Variants in HHAT observed in about 807,000 individuals in gnomAD.
The protein encoded by HHAT is protein-cysteine N-palmitoyltransferase HHAT.
A neutral mutation model predicts 70.8 loss-of-function variants in HHAT; 47 were observed. The observed-to-expected ratio is 0.66, with a 90% CI of 0.53 to 0.85. The LOEUF (loss-of-function observed/expected upper bound fraction) is 0.85. HHAT is among the 40% of genes least tolerant of loss of function. The probability of loss-of-function intolerance (pLI) is 0.00; values close to 1 mark genes in which losing one functional copy is unlikely to be tolerated. For synonymous variants in HHAT, 228 were observed against 247.6 expected (o/e 0.92, Z 0.74); for missense variants, 609 against 604.8 (o/e 1.01, Z -0.07).
At chr1:210,669,407 A>G (rs1238914423) in intron 11 of HHAT, among the ~76,000 whole-genome samples, 1 of 152,172 alleles carries the variant, frequency 6.6e-6, no homozygotes, top group East Asian at 1.9e-4. Flanking sequence ...TATACAGCTC[A>G]CTGATATCCT....
chr1:210,464,913 T>A (rs2094067742), intron 8 of HHAT, among the ~76,000 whole-genome samples: 1 of 152,174 alleles, frequency 6.6e-6, no homozygotes, highest in Non-Finnish European at 1.5e-5. Context: ...AAGGGTTATG[T>A]TTGAAGTGGT....
intron 9 of HHAT, among the ~76,000 whole-genome samples, chr1:210,552,918 C>G (rs989009965): frequency 6.6e-6 from 1 of 152,204 alleles, no homozygotes; most frequent in Non-Finnish European, 1.5e-5. Context: ...GTAGCTGTCT[C>G]TCTCTTTGCT....
rs150775686 is a variant in HHAT at position 210,338,233 on chromosome 1, G to A, written c.-44+9129G>A. 9.2e-3 allele frequency among the ~76,000 whole-genome samples: 1,401 copies of A among 152,066 alleles called. 19 individuals are homozygous for A. The highest frequency in any genetic ancestry group is 0.032 in the African/African-American group (1,318 of 41,464). On this transcript the variant is annotated intron_variant, in intron 1 of 11. Transcript: ENST00000261458. ...CTCTTGTCTATAGTCCCAGCTACTC[G>A]GGAGGCTGAGATGGAAGGATTGCTT...
At chr1:210,454,329 A>G (rs1250201580) in intron 7 of HHAT, among the ~76,000 whole-genome samples, 1 of 152,190 alleles carries the variant, frequency 6.6e-6, no homozygotes, top group Non-Finnish European at 1.5e-5. Context: ...CGAGGTGGGC[A>G]GATCACAAGG....
intron 7 of HHAT, among the ~76,000 whole-genome samples, 184 bp from the exon 8 acceptor site, chr1:210,464,321 T>G (rs1470791529): frequency 1.3e-5 from 2 of 152,188 alleles, no homozygotes; most frequent in Non-Finnish European, 2.9e-5. Context: ...TTTCATTGTT[T>G]GTTAACCAAA....
chr1:210,433,646 C>T (rs894985178), intron 7 of HHAT, among the ~76,000 whole-genome samples: 1 of 151,888 alleles, frequency 6.6e-6, no homozygotes, highest in Non-Finnish European at 1.5e-5. Flanking sequence ...TTGGGAGCTC[C>T]ATGGCAACAG....
intron 7 of HHAT, among the ~76,000 whole-genome samples, chr1:210,430,678 TTTTTCTC>T (rs2093216918): frequency 1.3e-5 from 2 of 151,860 alleles, no homozygotes; most frequent in Non-Finnish European, 2.9e-5. Flanking sequence ...TTTCAGTTCT[TTTTTCTC>T]TTAGGGTGGA....
intron 9 of HHAT, among the ~76,000 whole-genome samples, chr1:210,579,698 ATCT>A (rs1658758682): frequency 6.6e-6 from 1 of 152,196 alleles, no homozygotes. Flanking sequence ...CCAAGGTCAC[ATCT>A]TCTAGCTCTC....
At chr1:210,432,083 A>T (rs1278511201) in intron 7 of HHAT, among the ~76,000 whole-genome samples, 1 of 151,768 alleles carries the variant, frequency 6.6e-6, no homozygotes, top group African/African-American at 2.4e-5. Flanking sequence ...CTGAAAAGTG[A>T]GCATCCATGG....
At chr1:210,550,924 T>TC (rs34346562) in intron 9 of HHAT, among the ~76,000 whole-genome samples, 72,041 of 147,766 alleles carry the variant, frequency 0.49, 19,825 homozygotes, top group Admixed American at 0.53. Flanking sequence ...CACCTTGGCC[T>TC]CCCAAAGCTC....
At chr1:210,527,209 T>C (rs1418702667) in intron 9 of HHAT, among the ~76,000 whole-genome samples, 1 of 152,114 alleles carries the variant, frequency 6.6e-6, no homozygotes, top group Non-Finnish European at 1.5e-5. Flanking sequence ...TGCATGTGTC[T>C]AGGCTGGCTC....
chr1:210,517,270 CATTTTTCTTTT>C (rs1445022116), intron 9 of HHAT, among the ~76,000 whole-genome samples: 2 of 152,186 alleles, frequency 1.3e-5, no homozygotes, highest in South Asian at 2.1e-4. Context: ...CTGACTGAGG[CATTTTTCTTTT>C]ATTTTTCTTT....
chr1:210,538,288 AAAT>A (rs1370796812), intron 9 of HHAT, among the ~76,000 whole-genome samples: 3 of 152,158 alleles, frequency 2.0e-5, no homozygotes, highest in Non-Finnish European at 4.4e-5. Context: ...TAGAGAAAAT[AAAT>A]AATATTTAGC....
intron 9 of HHAT, among the ~76,000 whole-genome samples, chr1:210,587,374 C>G (rs1013183087): frequency 6.6e-6 from 1 of 152,162 alleles, no homozygotes; most frequent in African/African-American, 2.4e-5. Flanking sequence ...TCGTGTGAGA[C>G]TTATTCGCTA....
chr1:210,358,816 A>G (rs775543563), intron 2 of HHAT, among the ~76,000 whole-genome samples: 2 of 152,058 alleles, frequency 1.3e-5, no homozygotes, highest in Admixed American at 6.6e-5. Context: ...TACTACACAC[A>G]CCCCAGAATT....
intron 10 of HHAT, among the ~76,000 whole-genome samples, chr1:210,618,523 G>C (rs1668208305): frequency 3.3e-5 from 5 of 152,160 alleles, no homozygotes. Context: ...AGCAGCATCA[G>C]GTCCCACTTG....
At chr1:210,502,021 CTTCTTT>C (rs1558037634) in intron 8 of HHAT, among the ~76,000 whole-genome samples, 15 of 83,296 alleles carry the variant, frequency 1.8e-4, no homozygotes. Flanking sequence ...CTCTATTCTT[CTTCTTT>C]TTTTTTTTTT....
intron 4 of HHAT, among the ~76,000 whole-genome samples, chr1:210,393,795 C>A (rs193040812): frequency 1.3e-5 from 2 of 152,124 alleles, no homozygotes; most frequent in Non-Finnish European, 2.9e-5. Flanking sequence ...TGGGTGACCA[C>A]GGGTTTGATT....
chr1:210,592,873 A>G (rs1281450236), intron 10 of HHAT, among the ~76,000 whole-genome samples: 1 of 82,934 alleles, frequency 1.2e-5, no homozygotes, highest in African/African-American at 3.3e-5. Flanking sequence ...CAAAAAACCA[A>G]CTTTTCTTTT....
Sources: allele counts gnomAD v4.1 joint callset (sites outside exome capture counted in the v4.1 genomes callset), GRCh38; gene constraint gnomAD v4.1.1; transcripts MANE v1.5; gene names NCBI Gene and HGNC (gene_info 2026-07-23, HGNC 2026-07-21).